Variants in CACNG4 observed in about 807,000 individuals in gnomAD.
The protein encoded by CACNG4 is calcium voltage-gated channel auxiliary subunit gamma 4.
In CACNG4, 8 loss-of-function variants were observed where a neutral mutation model predicts 22.9. The observed-to-expected ratio is 0.35, with a 90% CI of 0.21 to 0.63. The LOEUF (loss-of-function observed/expected upper bound fraction) is 0.63, where lower values mean the gene tolerates loss of function less well. Among genes scored for constraint, CACNG4 ranks in the 30% least tolerant of loss-of-function variants. The probability of loss-of-function intolerance (pLI) is 0.72; values close to 1 mark genes in which losing one functional copy is unlikely to be tolerated. For synonymous variants in CACNG4, 188 were observed against 191.9 expected (o/e 0.98, Z 0.17); for missense variants, 357 against 455.4 (o/e 0.78, Z 1.97).
chr17:67,019,108 C>T (rs1052791192), intron 2 of CACNG4, among the ~76,000 whole-genome samples: 4 of 152,154 alleles, frequency 2.6e-5, no homozygotes, highest in Non-Finnish European at 5.9e-5. Flanking sequence ...CACAGCAGCA[C>T]CCCTGGGGCT....
intron 3 of CACNG4, among the ~76,000 whole-genome samples, chr17:67,029,244 A>C (rs2035586293): frequency 1.3e-5 from 2 of 152,188 alleles, no homozygotes; most frequent in African/African-American, 4.8e-5. Context: ...AGGCAGGAGA[A>C]TCGCTTGAAC....
intron 2 of CACNG4, among the ~76,000 whole-genome samples, chr17:67,020,996 G>A (rs2035528169): frequency 6.6e-6 from 1 of 152,182 alleles, no homozygotes; most frequent in African/African-American, 2.4e-5. Flanking sequence ...TTGAGGTTAG[G>A]AGTTCCAGCT....
chr17:67,014,852 G>A (rs908951824), intron 1 of CACNG4, among the ~76,000 whole-genome samples: 1 of 151,396 alleles, frequency 6.6e-6, no homozygotes, highest in Non-Finnish European at 1.5e-5. Flanking sequence ...CATGAGAATT[G>A]CTTGAACCCA....
chr17:66,982,161 C>A (rs143711981), intron 1 of CACNG4, among the ~76,000 whole-genome samples: 1 of 152,230 alleles, frequency 6.6e-6, no homozygotes, highest in African/African-American at 2.4e-5. Flanking sequence ...AAAGAACAAG[C>A]TTCCACGAGT....
At chr17:66,971,574 C>T (rs758316621) in intron 1 of CACNG4, among the ~76,000 whole-genome samples, 18 of 152,204 alleles carry the variant, frequency 1.2e-4, no homozygotes, top group Middle Eastern at 3.4e-3. Context: ...ATTTATGTTA[C>T]GGTGAAAACA....
At chr17:66,966,509 G>C (rs1170928312) in intron 1 of CACNG4, among the ~76,000 whole-genome samples, 1 of 152,122 alleles carries the variant, frequency 6.6e-6, no homozygotes, top group Non-Finnish European at 1.5e-5. Flanking sequence ...TTGGCAAGGA[G>C]CTCTTAAAAC....
chr17:66,974,784 G>A (rs1233860440), intron 1 of CACNG4, among the ~76,000 whole-genome samples: 3 of 152,166 alleles, frequency 2.0e-5, no homozygotes, highest in Non-Finnish European at 4.4e-5. Flanking sequence ...CGCCCCCACA[G>A]GCCCCAGGCT....
At chr17:66,988,317 G>T (rs779339711) in intron 1 of CACNG4, among the ~76,000 whole-genome samples, 1 of 152,108 alleles carries the variant, frequency 6.6e-6, no homozygotes, top group African/African-American at 2.4e-5. Context: ...CGGCCAGTCC[G>T]GTCATCAGAA....
Position 67,000,040 on chromosome 17 carries a change from G to A in CACNG4, c.221-18149G>A, listed in dbSNP as rs117598079. ...ATGAAATTAGTGGTGTCCAAATCTC[G>A]ATTGCCCTCCTAATCAGGTGATGAA... On this transcript the variant is annotated intron_variant, in intron 1 of 3. Transcript: ENST00000262138. Among the ~76,000 whole-genome samples the A allele has an allele frequency of 2.2e-3, 339 of 152,228 alleles. 7 individuals are homozygous for A. Among genetic ancestry groups the A allele is most frequent in the Admixed American group, 0.016 (240 of 15,296 alleles).
At chr17:66,974,585 T>A (rs915535609) in intron 1 of CACNG4, among the ~76,000 whole-genome samples, 3 of 152,258 alleles carry the variant, frequency 2.0e-5, no homozygotes, top group Admixed American at 6.5e-5. Context: ...TATCTATGGA[T>A]GCCCCCCGCG....
chr17:67,010,619 A>G (rs2035462849), intron 1 of CACNG4, among the ~76,000 whole-genome samples: 2 of 152,270 alleles, frequency 1.3e-5, no homozygotes, highest in African/African-American at 4.8e-5. Context: ...ATGAGGACAG[A>G]GCTCTTTCAT....
chr17:66,988,194 C>T (rs1567752296), intron 1 of CACNG4, among the ~76,000 whole-genome samples: 1 of 152,164 alleles, frequency 6.6e-6, no homozygotes, highest in Non-Finnish European at 1.5e-5. Context: ...CACACAGCGT[C>T]TGCAGTTCCA....
intron 3 of CACNG4, among the ~76,000 whole-genome samples, chr17:67,026,356 G>T (rs530519344): frequency 1.3e-5 from 2 of 151,464 alleles, no homozygotes; most frequent in South Asian, 4.2e-4. Flanking sequence ...TGAGCATGGT[G>T]TGTGTGTATT....
chr17:66,979,537 T>C (rs958685045), intron 1 of CACNG4, among the ~76,000 whole-genome samples: 1 of 152,166 alleles, frequency 6.6e-6, no homozygotes, highest in East Asian at 1.9e-4. Context: ...GAACAAATAT[T>C]GGAAGGAAAT....
At chr17:66,990,767 G>A (rs1423511793) in intron 1 of CACNG4, among the ~76,000 whole-genome samples, 3 of 151,920 alleles carry the variant, frequency 2.0e-5, no homozygotes, top group East Asian at 1.9e-4. Context: ...TGCAAGCTCC[G>A]CCTCACGGAT....
rs762473241 is a variant in CACNG4, at chr17:67,018,259, G to A, written c.291G>A (p.Ser97=). The A allele has an allele frequency of 1.4e-5, 22 of 1,613,772 alleles. No homozygotes were observed. The highest frequency in any genetic ancestry group is 6.7e-5 in the East Asian group (3 of 44,892). The change falls in exon 2 of 4, where the codon TCG becomes TCA. Residue 97 remains serine (S), a synonymous_variant. Coordinates refer to ENST00000262138, the MANE Select transcript of CACNG4 (RefSeq NM_014405.4). ...ACAATGACTACGACCACGACAGCTC[G>A]GAGTACCTCCTCCGTGAGTGTCAGG... ...PEDNDYDHDS[S]EYLLRIVRAS...
chr17:67,016,553 G>T (rs781445006), intron 1 of CACNG4, among the ~76,000 whole-genome samples: 1 of 152,184 alleles, frequency 6.6e-6, no homozygotes, highest in Non-Finnish European at 1.5e-5. Context: ...AGAGGTGGAC[G>T]TGCACCCGGA....
chr17:67,022,387 C>T (rs1428932024), intron 2 of CACNG4, among the ~76,000 whole-genome samples: 1 of 152,104 alleles, frequency 6.6e-6, no homozygotes. Context: ...GTCTGCAGAA[C>T]GAGGGCATTG....
chr17:67,025,858 C>G (rs2035561360), intron 3 of CACNG4, among the ~76,000 whole-genome samples: 1 of 152,244 alleles, frequency 6.6e-6, no homozygotes, highest in African/African-American at 2.4e-5. Flanking sequence ...CTTAGAGGGG[C>G]TGGCTCCAGC....
Sources: allele counts gnomAD v4.1 joint callset (sites outside exome capture counted in the v4.1 genomes callset), GRCh38; gene constraint gnomAD v4.1.1; transcripts MANE v1.5; gene names NCBI Gene and HGNC (gene_info 2026-07-23, HGNC 2026-07-21).